Variants in KCTD16 observed in about 807,000 individuals in gnomAD.
The protein encoded by KCTD16 is BTB/POZ domain-containing protein KCTD16.
In KCTD16, 13 loss-of-function variants were observed where a neutral mutation model predicts 33.2. That is an observed-to-expected ratio of 0.39 (90% CI 0.25 to 0.62). The LOEUF is 0.62. Ranked by LOEUF, KCTD16 falls within the 20% of genes least tolerant of loss-of-function variation. KCTD16 has a pLI of 0.50. For missense variants in KCTD16, 441 were observed against 525.1 expected, an observed-to-expected ratio of 0.84 and a Z score of 1.57; for synonymous variants, 197 against 195.3, an observed-to-expected ratio of 1.01 and a Z score of -0.07.
intron 3 of KCTD16, among the ~76,000 whole-genome samples, chr5:144,330,336 C>G (rs1278848561): frequency 1.3e-5 from 2 of 149,074 alleles, no homozygotes; most frequent in Non-Finnish European, 3.0e-5. Context: ...TTGCTTCAAC[C>G]TGGGAGGCAG....
chr5:144,192,464 G>A (rs1299441068), intron 2 of KCTD16, among the ~76,000 whole-genome samples: 1 of 152,166 alleles, frequency 6.6e-6, no homozygotes, highest in Non-Finnish European at 1.5e-5. Flanking sequence ...ATTATAATGG[G>A]AGATTTTAGA....
intron 2 of KCTD16, among the ~76,000 whole-genome samples, chr5:144,189,233 C>T (rs1272253401): frequency 1.3e-5 from 2 of 152,136 alleles, no homozygotes; most frequent in Non-Finnish European, 2.9e-5. Context: ...CAGGTCACGC[C>T]TGTAATCCCA....
intron 2 of KCTD16, among the ~76,000 whole-genome samples, chr5:144,176,126 A>G (rs1752500445): frequency 6.6e-6 from 1 of 152,144 alleles, no homozygotes; most frequent in African/African-American, 2.4e-5. Flanking sequence ...ATTTAGGGCA[A>G]TTATACTTGA....
At chr5:144,410,072 G>T (rs1752898860) in intron 3 of KCTD16, among the ~76,000 whole-genome samples, 1 of 152,176 alleles carries the variant, frequency 6.6e-6, no homozygotes, top group African/African-American at 2.4e-5. Context: ...GCCTCAATGG[G>T]ACAGAAAGCA....
At chr5:144,371,438 G>A (rs138735752) in intron 3 of KCTD16, among the ~76,000 whole-genome samples, 7 of 152,212 alleles carry the variant, frequency 4.6e-5, no homozygotes, top group Admixed American at 3.3e-4. Flanking sequence ...TTAACTTACC[G>A]TGAAACTTTG....
intron 3 of KCTD16, among the ~76,000 whole-genome samples, chr5:144,308,391 G>A (rs1011287800): frequency 3.3e-5 from 5 of 152,194 alleles, no homozygotes; most frequent in African/African-American, 1.2e-4. Context: ...ATTTTCGTTG[G>A]CTCAGTGGGC....
chr5:144,443,706 TA>T (rs1753761064), intron 3 of KCTD16, among the ~76,000 whole-genome samples: 1 of 152,120 alleles, frequency 6.6e-6, no homozygotes, highest in Non-Finnish European at 1.5e-5. Context: ...TTAAATCTAT[TA>T]TAATTATTAT....
rs1754737731 is a variant in KCTD16, at chr5:144,483,124, A to G, written c.*9010A>G. Reference sequence around the variant, plus strand: ...TTGGAATTTCAAACTACATGTTTTCACACTTCTTCATTCCAAAAAAAAAAA... The same window carrying G: ...TTGGAATTTCAAACTACATGTTTTCGCACTTCTTCATTCCAAAAAAAAAAA... On this transcript the variant is annotated 3_prime_UTR_variant, in exon 4 of 4. Transcript: ENST00000512467. The G allele has an allele frequency of 6.7e-6, 1 of 149,440 alleles. No homozygotes were observed. Among genetic ancestry groups the G allele is most frequent in the South Asian group, 2.1e-4 (1 of 4,780 alleles). 9.3% of individuals were successfully genotyped at this position (149,440 alleles called of 1,614,324 possible).
At chr5:144,339,280 G>T (rs547065019) in intron 3 of KCTD16, among the ~76,000 whole-genome samples, 1 of 152,154 alleles carries the variant, frequency 6.6e-6, no homozygotes. Context: ...AGAAAGTGCC[G>T]AAGCTACATT....
chr5:144,309,930 CATT>C lies in KCTD16; in HGVS notation c.832+102385_832+102387del, dbSNP rs534605650. Among the ~76,000 whole-genome samples, 4 of 152,102 alleles carry C rather than the reference CATT, an allele frequency of 2.6e-5. No individual in the cohort carries two copies. The South Asian group carries it at 8.3e-4, about 32-fold the overall frequency. ...GTTTATTTTTAGTTTTACATGGTGT[CATT>C]GTGTATATTTAAAACATAATTTGTG... On this transcript the variant is annotated intron_variant, in intron 3 of 3. Coordinates refer to ENST00000512467, the MANE Select transcript of KCTD16 (RefSeq NM_020768.4).
chr5:144,407,747 A>C (rs991565683), intron 3 of KCTD16, among the ~76,000 whole-genome samples: 4 of 151,680 alleles, frequency 2.6e-5, no homozygotes, highest in African/African-American at 9.7e-5. Flanking sequence ...CCCTGTGTCC[A>C]TGTGTTCTCT....
At position 144,319,455 on chromosome 5, in the gene KCTD16, C is replaced by A. The variant is rs564585336; in HGVS notation, c.832+111909C>A. Among the ~76,000 whole-genome samples the A allele has an allele frequency of 4.6e-5, 7 of 152,094 alleles. No individual in the cohort carries two copies. The South Asian group carries it at 1.5e-3, about 32-fold the overall frequency. ...CTTCCCTAAGGTGTTAAAAATATTCCAACATGTTAAAGGTTAGCTCAATTA... is the reference window on the plus strand; with the variant it reads ...CTTCCCTAAGGTGTTAAAAATATTCAAACATGTTAAAGGTTAGCTCAATTA... On this transcript the variant is annotated intron_variant, in intron 3 of 3. Coordinates refer to ENST00000512467, the MANE Select transcript of KCTD16 (RefSeq NM_020768.4).
chr5:144,255,664 T>A (rs900039838), intron 3 of KCTD16, among the ~76,000 whole-genome samples: 4 of 152,224 alleles, frequency 2.6e-5, no homozygotes, highest in Non-Finnish European at 5.9e-5. Context: ...CCCTGTCTAA[T>A]TTTTGATATT....
intron 3 of KCTD16, among the ~76,000 whole-genome samples, chr5:144,228,529 CA>C (rs1178337038): frequency 1.3e-5 from 2 of 152,036 alleles, no homozygotes; most frequent in Non-Finnish European, 2.9e-5. Flanking sequence ...TGAGTACAGA[CA>C]GAACTTTCAA....
intron 3 of KCTD16, among the ~76,000 whole-genome samples, chr5:144,300,251 G>A (rs1751392740): frequency 6.6e-6 from 1 of 152,114 alleles, no homozygotes; most frequent in Non-Finnish European, 1.5e-5. Flanking sequence ...CCCTGATCTA[G>A]CCAGTTACTC....
chr5:144,227,725 A>T (rs964987715), intron 3 of KCTD16, among the ~76,000 whole-genome samples: 2 of 152,214 alleles, frequency 1.3e-5, no homozygotes, highest in African/African-American at 4.8e-5. Context: ...TCCAGTTGAG[A>T]GGAGTGGATG....
intron 3 of KCTD16, among the ~76,000 whole-genome samples, chr5:144,266,242 T>TG (rs1233641893): frequency 6.6e-6 from 1 of 152,178 alleles, no homozygotes; most frequent in Non-Finnish European, 1.5e-5. Context: ...CCTTTGTCAC[T>TG]GCCTAACTTT....
At chr5:144,238,836 G>A (rs565281274) in intron 3 of KCTD16, among the ~76,000 whole-genome samples, 1 of 152,214 alleles carries the variant, frequency 6.6e-6, no homozygotes, top group Admixed American at 6.5e-5. Context: ...AATGCTTATT[G>A]AGCGCATCCT....
chr5:144,398,708 A>ACACTCTCT (rs1554092476), intron 3 of KCTD16, among the ~76,000 whole-genome samples: 4 of 145,454 alleles, frequency 2.8e-5, no homozygotes, highest in African/African-American at 1.0e-4. Context: ...ACACACACAC[A>ACACTCTCT]CTCTCTCTCT....
Sources: allele counts gnomAD v4.1 joint callset (sites outside exome capture counted in the v4.1 genomes callset), GRCh38; gene constraint gnomAD v4.1.1; transcripts MANE v1.5; gene names NCBI Gene and HGNC (gene_info 2026-07-23, HGNC 2026-07-21).